Variants in ORC6 observed in about 807,000 individuals in gnomAD.
ORC6 encodes origin recognition complex subunit 6, also known as origin recognition complex, subunit 6 homolog-like (yeast).
Under a neutral mutation model 30.0 loss-of-function variants are expected in ORC6, and 31 were observed. That is an observed-to-expected ratio of 1.03 (90% CI 0.78 to 1.40). The LOEUF is 1.40. ORC6 is among the 40% of genes most tolerant of loss of function. The pLI, the probability that ORC6 is intolerant of heterozygous loss-of-function variation, is 0.00. For synonymous variants in ORC6, 136 were observed against 111.2 expected, an observed-to-expected ratio of 1.22 and a Z score of -1.40; for missense variants, 340 against 304.3, an observed-to-expected ratio of 1.12 and a Z score of -0.87.
At chr16:46,691,245 A>G (rs1966434359) in intron 2 of ORC6, 125 bp downstream of exon 2, 1 of 899,704 alleles carries the variant, frequency 1.1e-6, no homozygotes, top group African/African-American at 1.7e-5. Flanking sequence ...CTTGTGTGTT[A>G]TTCTGGAAAT....
At chr16:46,691,810 G>A (rs150452086) in intron 2 of ORC6, among the ~76,000 whole-genome samples, 1 of 152,068 alleles carries the variant, frequency 6.6e-6, no homozygotes, top group African/African-American at 2.4e-5. Flanking sequence ...ACTCCTATTT[G>A]TCTTACATGA....
chr16:46,696,334 T>C, intron 6 of ORC6: 1 of 528,668 alleles, frequency 1.9e-6, no homozygotes, highest in Non-Finnish European at 3.4e-6. Flanking sequence ...GGCGGGAGGA[T>C]TGCTTGAGCC....
At chr16:46,693,014 G>T (rs1432200927) in intron 3 of ORC6, 79 bp from the exon 4 acceptor site, 4 of 975,532 alleles carry the variant, frequency 4.1e-6, no homozygotes, top group East Asian at 2.4e-5. Context: ...TTAAAAGCTT[G>T]TAAGTTCTGG....
chr16:46,692,623 A>G (rs1028602685), intron 3 of ORC6, 78 bp downstream of exon 3: 3 of 1,333,360 alleles, frequency 2.2e-6, no homozygotes, highest in Non-Finnish European at 3.2e-6. Context: ...TAATCCCAGC[A>G]CTTTGGGAGG....
chr16:46,690,082 G>T (rs67506574), intron 1 of ORC6, among the ~76,000 whole-genome samples: 27,740 of 152,164 alleles, frequency 0.18, 2,936 homozygotes, highest in African/African-American at 0.28. Context: ...GGTTTATAGC[G>T]GGGAACCCGA....
At chr16:46,694,839 T>C (rs947731504) in intron 4 of ORC6, 13 of 152,274 alleles carry the variant, frequency 8.5e-5, no homozygotes, top group African/African-American at 2.7e-4. Context: ...CTTATTTTTA[T>C]CTTGCCAGAA....
chr16:46,695,911 C>T (rs1370763428), intron 5 of ORC6, 106 bp from the exon 6 acceptor site: 1 of 862,332 alleles, frequency 1.2e-6, no homozygotes, highest in South Asian at 1.4e-5. Flanking sequence ...CTCTTCTCCT[C>T]ATATTTGATC....
chr16:46,697,512 C>T lies in ORC6; in HGVS notation c.686C>T (p.Thr229Ile), dbSNP rs1348300513. Reference protein sequence around the residue: ...PHKPQKDEDLTQDYEEWKRKI... With the variant: ...PHKPQKDEDLIQDYEEWKRKI... ...AAACCACAGAAAGATGAAGATCTGA[C>T]ACAGGATTATGAAGAATGGAAAAGA... is the stretch of plus-strand genomic sequence containing the variant. The change falls in exon 7 of 7, where the codon ACA (threonine) becomes ATA (isoleucine). Residue 229 changes from threonine (T) to isoleucine (I), a missense_variant. Transcript: ENST00000219097. 1 of 1,613,122 alleles carries T rather than the reference C, an allele frequency of 6.2e-7. No individual in the cohort carries two copies. The highest frequency in any genetic ancestry group is 1.3e-5 in the African/African-American group (1 of 74,866).
intron 4 of ORC6, among the ~76,000 whole-genome samples, chr16:46,694,756 G>T (rs1966501335): frequency 6.6e-6 from 1 of 152,054 alleles, no homozygotes; most frequent in Admixed American, 6.5e-5. Context: ...TACAATTGTG[G>T]GTTATCTATG....
chr16:46,697,388 A>C lies in ORC6; in HGVS notation c.632-70A>C. ...TTTTCTATTTTAGACAATTTAAACAAGTTTACCTTTTTTTAAATTTCATTT... is the reference window on the plus strand; with the variant it reads ...TTTTCTATTTTAGACAATTTAAACACGTTTACCTTTTTTTAAATTTCATTT... On this transcript the variant is annotated intron_variant, in intron 6 of 6. Transcript: ENST00000219097. 4.4e-6 allele frequency: 6 copies of C among 1,369,812 alleles called. No homozygotes were observed. The South Asian group carries it at 5.0e-5, about 11-fold the overall frequency. The allele number at this position is 1,369,812 out of a possible 1,614,324, so 84.9% of individuals were successfully genotyped here.
intron 4 of ORC6, 72 bp downstream of exon 4, chr16:46,693,254 C>G (rs1966470255): frequency 1.1e-6 from 1 of 898,652 alleles, no homozygotes; most frequent in Non-Finnish European, 1.9e-6. Context: ...AGGAATACTT[C>G]TAACTTAGTT....
rs1966510873 is a variant in ORC6, at chr16:46,695,678, AGTATTCT to A, written c.562+8_562+14del. 6.6e-7 allele frequency: 1 copy of A among 1,516,544 alleles called. No individual in the cohort carries two copies. The highest frequency in any genetic ancestry group is 1.4e-5 in the African/African-American group (1 of 73,032). The allele number at this position is 1,516,544 out of a possible 1,614,324, so 93.9% of individuals were successfully genotyped here. Reference sequence around the variant, plus strand: ...AAGATTGGACAGCAGGTCGACAGTAAGTATTCTGTAGTTCAAGAATGCGTCATTTGAA... The same window carrying A: ...AAGATTGGACAGCAGGTCGACAGTAAGTAGTTCAAGAATGCGTCATTTGAA... On this transcript the variant is annotated splice_donor_5th_base_variant and intron_variant, in intron 5 of 6. Transcript: ENST00000219097.
chr16:46,696,023 C>T lies in ORC6; in HGVS notation c.569C>T (p.Pro190Leu). The T allele has an allele frequency of 6.2e-6, 10 of 1,611,878 alleles. No homozygotes were observed. Among genetic ancestry groups the T allele is most frequent in the Non-Finnish European group, 8.5e-6 (10 of 1,177,952 alleles). ...EKIGQQVDRE[P>L]GDVATPPRKR... is the part of the protein sequence containing the mutation. ...TTGATAACACTTCTTAAAGGAGAAC[C>T]TGGAGATGTAGCTACTCCACCACGG... is the stretch of plus-strand genomic sequence containing the variant. The change falls in exon 6 of 7, where the codon CCT becomes CTT. Residue 190 changes from proline to leucine, a missense_variant. Pro to Leu is a moderately conservative substitution (Grantham distance 98, BLOSUM62 -3). Coordinates refer to ENST00000219097, the MANE Select transcript of ORC6 (RefSeq NM_014321.4).
At chr16:46,696,129 TG>T (rs1966515376) in intron 6 of ORC6, 44 bp downstream of exon 6, 1 of 1,361,464 alleles carries the variant, frequency 7.3e-7, no homozygotes, top group Admixed American at 1.7e-5. Flanking sequence ...TTTTATGCAG[TG>T]AACAGCCCAG....
Position 46,694,578 on chromosome 16 carries a change from C to G in ORC6, c.450-984C>G, listed in dbSNP as rs1286713456. 14 of 93,304 alleles carry G rather than the reference C, an allele frequency of 1.5e-4. 1 individual carries two copies. Among genetic ancestry groups the G allele is most frequent in the Non-Finnish European group, 2.6e-4 (12 of 46,246 alleles). The allele number at this position is 93,304 out of a possible 1,614,324, so 5.8% of individuals were successfully genotyped here. ...CTCCCTCCCGGACGGGGCAGCTGGC[C>G]GGGCAGAGGGGCTCCTCACTTCCCA... On this transcript the variant is annotated intron_variant, in intron 4 of 6. Transcript: ENST00000219097.
At chr16:46,691,197 C>A in intron 2 of ORC6, 77 bp downstream of exon 2, 3 of 1,346,372 alleles carry the variant, frequency 2.2e-6, no homozygotes, top group Non-Finnish European at 3.2e-6. Context: ...GAACTAAACC[C>A]TAGTAAAAAC....
intron 2 of ORC6, among the ~76,000 whole-genome samples, chr16:46,691,958 A>ACACACACACACACACACACTCTCTCTCT: frequency 2.7e-5 from 1 of 36,664 alleles, no homozygotes; most frequent in African/African-American, 9.6e-5. Flanking sequence ...ACACACACAC[A>ACACACACACACACACACACTCTCTCTCT]CTCTCTCTCT....
intron 6 of ORC6, among the ~76,000 whole-genome samples, chr16:46,696,547 G>T (rs1279515238): frequency 6.6e-6 from 1 of 152,160 alleles, no homozygotes; most frequent in Non-Finnish European, 1.5e-5. Context: ...GCTTATAAGA[G>T]CTTTAGCTAC....
intron 2 of ORC6, 67 bp downstream of exon 2, chr16:46,691,187 G>T: frequency 6.7e-7 from 1 of 1,489,504 alleles, no homozygotes; most frequent in South Asian, 1.1e-5. Context: ...ACTTTTGGTT[G>T]AACTAAACCC....
Sources: gnomAD v4.1 joint callset for allele counts (sites outside exome capture counted in the v4.1 genomes callset) on GRCh38, gnomAD v4.1.1 for gene constraint, MANE v1.5 for transcripts, NCBI Gene and HGNC (gene_info 2026-07-23, HGNC 2026-07-21) for gene names.